TMOD3: variants seen among roughly 807,000 people sequenced by gnomAD.
TMOD3 encodes the protein tropomodulin-3.
In TMOD3, 20 loss-of-function variants were observed where a neutral mutation model predicts 39.2. That is an observed-to-expected ratio of 0.51 (90% CI 0.36 to 0.74). The LOEUF is 0.74. Ranked by LOEUF, TMOD3 falls within the 30% of genes least tolerant of loss-of-function variation. TMOD3 has a pLI of 0.00. For synonymous variants in TMOD3, 143 were observed against 145.8 expected, an observed-to-expected ratio of 0.98 and a Z score of 0.14; for missense variants, 381 against 412.8, an observed-to-expected ratio of 0.92 and a Z score of 0.67.
intron 6 of TMOD3, among the ~76,000 whole-genome samples, chr15:51,896,147 G>C (rs2056619380): frequency 6.6e-6 from 1 of 152,008 alleles, no homozygotes; most frequent in Non-Finnish European, 1.5e-5. Context: ...TGAAAGGTGA[G>C]AATAATGAGA....
Position 51,870,722 on chromosome 15 carries a change from T to A in TMOD3, c.283+1349T>A, listed in dbSNP as rs575136081. ...CTTTTTCTTTAGAGTCCTCTTCCTC[T>A]TCATCTCTTGTTAAGGATCACTATC... On this transcript the variant is annotated intron_variant, in intron 3 of 9. Transcript: ENST00000308580. Among the ~76,000 whole-genome samples the A allele has an allele frequency of 1.1e-4, 17 of 152,342 alleles. No homozygotes were observed. In the South Asian group the frequency reaches 2.5e-3, roughly 22 times the overall value.
rs1263171825 is a variant in TMOD3, at chr15:51,915,479, GA to G, written c.*6672del. On this transcript the variant is annotated 3_prime_UTR_variant, in exon 10 of 10. Coordinates refer to ENST00000308580, the MANE Select transcript of TMOD3 (RefSeq NM_014547.5). ...ATTTGAATGTCATTCATTGTCACAT[GA>G]AATCAGGTATTTACGTTTTTTTCTA... 1 of 151,984 alleles carries G rather than the reference GA, an allele frequency of 6.6e-6. No homozygotes were observed. The highest frequency in any genetic ancestry group is 1.5e-5 in the Non-Finnish European group (1 of 68,008). The allele number at this position is 151,984 out of a possible 1,614,324, so 9.4% of individuals were successfully genotyped here. A position where few individuals can be genotyped will look rare whatever the true frequency, so the allele number is the denominator to read the frequency against.
chr15:51,877,816 C>T (rs904917970), intron 3 of TMOD3, among the ~76,000 whole-genome samples: 3 of 152,126 alleles, frequency 2.0e-5, no homozygotes, highest in African/African-American at 7.2e-5. Context: ...TGAGCTTTTC[C>T]AGTCTGGCTG....
intron 3 of TMOD3, among the ~76,000 whole-genome samples, chr15:51,876,408 C>T (rs1247390805): frequency 2.0e-5 from 3 of 151,578 alleles, no homozygotes; most frequent in Non-Finnish European, 2.9e-5. Flanking sequence ...AATCCTTCCA[C>T]CCACCTCAGC....
At chr15:51,850,814 G>A (rs1376868109) in intron 1 of TMOD3, among the ~76,000 whole-genome samples, 1 of 152,126 alleles carries the variant, frequency 6.6e-6, no homozygotes, top group Admixed American at 6.6e-5. Context: ...TCGGCTCACT[G>A]TAACCTCTGC....
Position 51,912,567 on chromosome 15 carries a change from C to T in TMOD3, c.*3757C>T, listed in dbSNP as rs1003420791. 2 of 151,696 alleles carry T rather than the reference C, an allele frequency of 1.3e-5. No individual in the cohort carries two copies. Among genetic ancestry groups the T allele is most frequent in the Admixed American group, 1.3e-4 (2 of 15,232 alleles). The allele number at this position is 151,696 out of a possible 1,614,324, so 9.4% of individuals were successfully genotyped here. On this transcript the variant is annotated 3_prime_UTR_variant, in exon 10 of 10. Coordinates refer to ENST00000308580, the MANE Select transcript of TMOD3 (RefSeq NM_014547.5). ...ATCTTACATTTTAGGGTCTGTGTTC[C>T]CAGGGCTGCCTCACTTTTTCCCTAA...
In TMOD3 at chr15:51,862,876, C is replaced by T. The variant is rs1256198402; in HGVS notation, c.-9C>T. ...AGCAAAAATTAAGTGACTTGCTGCC[C>T]TGCACATCATGGCACTGCCATTCCG... On this transcript the variant is annotated 5_prime_UTR_variant, in exon 2 of 10. Transcript: ENST00000308580. 1.9e-6 allele frequency: 3 copies of T among 1,611,462 alleles called. No homozygotes were observed. Among genetic ancestry groups the T allele is most frequent in the East Asian group, 4.5e-5 (2 of 44,822 alleles).
intron 7 of TMOD3, among the ~76,000 whole-genome samples, chr15:51,897,781 C>CAA (rs35282838): frequency 0.016 from 1,796 of 110,634 alleles, 56 homozygotes; most frequent in East Asian, 0.06. Context: ...CCACGCCCAG[C>CAA]AAAAAAAAAA....
intron 1 of TMOD3, chr15:51,860,745 G>C (rs1353998302): frequency 8.0e-6 from 3 of 376,144 alleles, no homozygotes; most frequent in Non-Finnish European, 1.5e-5. Context: ...AGACCAGCCT[G>C]ACCAACAAGG....
chr15:51,858,808 T>C (rs1309069953), intron 1 of TMOD3, among the ~76,000 whole-genome samples: 4 of 152,160 alleles, frequency 2.6e-5, no homozygotes, highest in Admixed American at 2.6e-4. Context: ...GGAAAACATT[T>C]AGGACTTATG....
At chr15:51,896,620 G>C in intron 7 of TMOD3, 94 bp downstream of exon 7, 1 of 895,362 alleles carries the variant, frequency 1.1e-6, no homozygotes, top group Non-Finnish European at 1.8e-6. Context: ...CTTTTTTATA[G>C]TTAATGTTTT....
At chr15:51,836,903 G>C (rs2056287478) in intron 1 of TMOD3, among the ~76,000 whole-genome samples, 1 of 151,872 alleles carries the variant, frequency 6.6e-6, no homozygotes, top group Non-Finnish European at 1.5e-5. Flanking sequence ...TACAAACTAA[G>C]GTAACATATA....
intron 7 of TMOD3, 38 bp from the exon 8 acceptor site, chr15:51,900,117 T>C (rs1468687867): frequency 1.3e-6 from 2 of 1,598,516 alleles, no homozygotes; most frequent in South Asian, 2.2e-5. Context: ...AGGTACTGTA[T>C]CAAATTTTAA....
intron 3 of TMOD3, among the ~76,000 whole-genome samples, chr15:51,886,545 A>G (rs975453120): frequency 6.6e-6 from 1 of 152,210 alleles, no homozygotes; most frequent in African/African-American, 2.4e-5. Flanking sequence ...GCGCGCCCGC[A>G]TTCCCAGGCA....
intron 2 of TMOD3, among the ~76,000 whole-genome samples, chr15:51,865,090 G>C (rs964375050): frequency 6.6e-6 from 1 of 152,064 alleles, no homozygotes; most frequent in South Asian, 2.1e-4. Context: ...GGGCTCAAGC[G>C]ATCCTCCCAC....
Position 51,869,317 on chromosome 15 carries a change from A to C in TMOD3, c.227A>C (p.Glu76Ala), listed in dbSNP as rs2056463117. 15 of 1,614,160 alleles carry C rather than the reference A, an allele frequency of 9.3e-6. No individual in the cohort carries two copies. The highest frequency in any genetic ancestry group is 1.3e-5 in the Non-Finnish European group (15 of 1,179,998). ...CATCTCCTTTCATATCTGGAGAAAG[A>C]AGCATTGGAGCATAAAGACAGGGAA... ...REHLLSYLEK[E>A]ALEHKDREDY... Residue 76 changes from glutamate to alanine, a missense_variant, in exon 3 of 10, where the codon GAA becomes GCA. By Grantham distance (107) the Glu-to-Ala change is moderately radical (BLOSUM62 -1). Transcript: ENST00000308580.
intron 2 of TMOD3, among the ~76,000 whole-genome samples, chr15:51,863,572 T>A (rs1195545367): frequency 6.6e-6 from 1 of 152,228 alleles, no homozygotes; most frequent in Non-Finnish European, 1.5e-5. Flanking sequence ...GGATGTTGTT[T>A]GTCTTATAAA....
chr15:51,896,847 A>G (rs754915322), intron 7 of TMOD3, among the ~76,000 whole-genome samples: 1 of 152,148 alleles, frequency 6.6e-6, no homozygotes, highest in Admixed American at 6.5e-5. Context: ...ATAGGGATCT[A>G]CCACATTATT....
At chr15:51,880,575 A>G (rs1017917654) in intron 3 of TMOD3, among the ~76,000 whole-genome samples, 1 of 152,232 alleles carries the variant, frequency 6.6e-6, no homozygotes, top group Non-Finnish European at 1.5e-5. Flanking sequence ...TCTTATAAAC[A>G]GAATCATACA....
Sources: allele counts gnomAD v4.1 joint callset (sites outside exome capture counted in the v4.1 genomes callset), GRCh38; gene constraint gnomAD v4.1.1; transcripts MANE v1.5; gene names NCBI Gene and HGNC (gene_info 2026-07-23, HGNC 2026-07-21).